The following MORN1 variants were observed in gnomAD, a reference collection of about 807,000 sequenced individuals.
MORN1 encodes MORN repeat-containing protein 1.
A neutral mutation model predicts 61.9 loss-of-function variants in MORN1; 67 were observed. The ratio of observed to expected loss-of-function variants is 1.08; its 90% CI spans 0.89 to 1.33. MORN1 has a LOEUF of 1.33. Among genes scored for constraint, MORN1 ranks in the 40% most tolerant of loss-of-function variants. The probability of loss-of-function intolerance (pLI) is 0.00; values close to 1 mark genes in which losing one functional copy is unlikely to be tolerated. For missense variants in MORN1, 752 were observed against 691.2 expected, an observed-to-expected ratio of 1.09 and a Z score of -0.99; for synonymous variants, 301 against 292.0, an observed-to-expected ratio of 1.03 and a Z score of -0.31.
chr1:2,378,570 C>A, intron 6 of MORN1: 1 of 246,764 alleles, frequency 4.1e-6, no homozygotes, highest in Non-Finnish European at 8.0e-6. Flanking sequence ...TGCTCGGCAC[C>A]CAGCGGCAAC....
intron 12 of MORN1, among the ~76,000 whole-genome samples, chr1:2,329,743 G>A (rs1641106892): frequency 6.6e-6 from 1 of 152,224 alleles, no homozygotes. Flanking sequence ...CATCACGTGG[G>A]CCCCTTTGGG....
At chr1:2,346,813 C>T (rs973587624) in intron 10 of MORN1, among the ~76,000 whole-genome samples, 4 of 152,302 alleles carry the variant, frequency 2.6e-5, no homozygotes, top group Admixed American at 6.5e-5. Context: ...GTCCGAGTAC[C>T]GAGGCTCCTG....
At chr1:2,353,698 G>T (rs886888258) in intron 10 of MORN1, among the ~76,000 whole-genome samples, 1 of 152,260 alleles carries the variant, frequency 6.6e-6, no homozygotes, top group South Asian at 2.1e-4. Context: ...TCCCCTAGGG[G>T]CCTGAGGGCT....
chr1:2,388,291 C>T lies in MORN1; in HGVS notation c.195G>A (p.Ala65=), dbSNP rs1393492545. 3.1e-6 allele frequency: 5 copies of T among 1,614,018 alleles called. No homozygotes were observed. Among genetic ancestry groups the T allele is most frequent in the South Asian group, 2.2e-5 (2 of 91,078 alleles). The change falls in exon 3 of 14, where the codon GCG becomes GCA. Residue 65 remains alanine, a synonymous_variant. Transcript: ENST00000378531. ...LFKDGSYYEG[A]FVDGEITGEG... ...CTCCCGTGATCTCTCCGTCCACAAA[C>T]GCCCCTTCGTAATAACTGCCATCTT... is the stretch of plus-strand genomic sequence containing the variant.
At chr1:2,361,715 C>T (rs1040120451) in intron 8 of MORN1, among the ~76,000 whole-genome samples, 3 of 152,156 alleles carry the variant, frequency 2.0e-5, no homozygotes, top group Non-Finnish European at 4.4e-5. Flanking sequence ...ATGCAGTTGA[C>T]CCTTGGCCAA....
At chr1:2,339,421 G>C (rs1007696775) in intron 10 of MORN1, among the ~76,000 whole-genome samples, 1 of 152,176 alleles carries the variant, frequency 6.6e-6, no homozygotes, top group Non-Finnish European at 1.5e-5. Flanking sequence ...TGACCGCAGC[G>C]GCCCCTGGGT....
chr1:2,378,813 G>A (rs1016178328), intron 6 of MORN1: 2 of 416,666 alleles, frequency 4.8e-6, no homozygotes, highest in African/African-American at 4.2e-5. Flanking sequence ...TGTAAACTAG[G>A]AGTGTGGGGG....
chr1:2,323,404 G>A (rs1032613421), intron 13 of MORN1: 93 of 985,318 alleles, frequency 9.4e-5, no homozygotes, highest in Non-Finnish European at 1.0e-4. Flanking sequence ...ACCAGACGAA[G>A]GGTCATTCAT....
intron 8 of MORN1, among the ~76,000 whole-genome samples, chr1:2,369,069 A>AT (rs1557885333): frequency 6.7e-6 from 1 of 149,442 alleles, no homozygotes. Flanking sequence ...AAAAAAAAAA[A>AT]GGCGGGGGGC....
At chr1:2,387,550 G>T in intron 3 of MORN1, 21 bp from the exon 4 acceptor site, 1 of 1,566,144 alleles carries the variant, frequency 6.4e-7, no homozygotes. Flanking sequence ...ACAAGGAGGA[G>T]GGGAGACAGG....
At chr1:2,322,429 T>TC in intron 13 of MORN1, 1 of 985,034 alleles carries the variant, frequency 1.0e-6, no homozygotes, top group Non-Finnish European at 1.2e-6. Context: ...AAAACAGCGC[T>TC]CCCCTCGCAG....
intron 12 of MORN1, among the ~76,000 whole-genome samples, chr1:2,329,206 G>C (rs961722381): frequency 1.3e-5 from 2 of 152,168 alleles, no homozygotes; most frequent in African/African-American, 4.8e-5. Context: ...TCTGCTGTGG[G>C]GTTATCATTC....
chr1:2,351,904 C>A, intron 10 of MORN1: 2 of 501,102 alleles, frequency 4.0e-6, no homozygotes, highest in Non-Finnish European at 3.9e-6. Flanking sequence ...AAACTTGGAG[C>A]TTCTGAACCT....
At chr1:2,363,801 CAAACA>C (rs1481850345) in intron 8 of MORN1, among the ~76,000 whole-genome samples, 136 of 73,540 alleles carry the variant, frequency 1.8e-3, no homozygotes, top group African/African-American at 0.011. Context: ...AACAAACAAA[CAAACA>C]AAAAAATATA....
chr1:2,332,670 C>T (rs1557868954), intron 12 of MORN1: 3 of 456,444 alleles, frequency 6.6e-6, no homozygotes, highest in Non-Finnish European at 1.3e-5. Flanking sequence ...CACTTGGTCT[C>T]CTGTTGTCCA....
intron 10 of MORN1, chr1:2,355,301 T>C: frequency 6.8e-7 from 1 of 1,461,958 alleles, no homozygotes; most frequent in Non-Finnish European, 9.1e-7. Flanking sequence ...CCTGTTGGCC[T>C]GAGGCTTGGC....
chr1:2,343,425 C>A (rs920124694), intron 10 of MORN1, among the ~76,000 whole-genome samples: 1 of 152,210 alleles, frequency 6.6e-6, no homozygotes, highest in Admixed American at 6.5e-5. Flanking sequence ...CGGGGCCAGG[C>A]GGGTGCCGTT....
At chr1:2,341,428 G>T (rs891363210) in intron 10 of MORN1, among the ~76,000 whole-genome samples, 8 of 152,314 alleles carry the variant, frequency 5.3e-5, no homozygotes, top group African/African-American at 1.9e-4. Flanking sequence ...GGGCGTGGTG[G>T]CTCATGCCTG....
chr1:2,336,549 C>G lies in MORN1; in HGVS notation c.1171-1G>C. 1 of 1,612,644 alleles carries G rather than the reference C, an allele frequency of 6.2e-7. No individual in the cohort carries two copies. The highest frequency in any genetic ancestry group is 2.2e-5 in the East Asian group (1 of 44,878). ...CGCCTCTGGATCTGCCGCCTGCCTT[C>G]TAGAAAGATTGGGCAGGAGGAGGGG... On this transcript the variant is annotated splice_acceptor_variant, in intron 11 of 13. Transcript: ENST00000378531. LOFTEE classifies it high-confidence loss of function.
Sources: gnomAD v4.1 joint callset for allele counts (sites outside exome capture counted in the v4.1 genomes callset) on GRCh38, gnomAD v4.1.1 for gene constraint, MANE v1.5 for transcripts, NCBI Gene and HGNC (gene_info 2026-07-23, HGNC 2026-07-21) for gene names.